SMC2: variants seen among roughly 807,000 people sequenced by gnomAD.
SMC2 encodes structural maintenance of chromosomes 2, also known as structural maintenance of chromosomes protein 2.
In SMC2, 41 loss-of-function variants were observed where a neutral mutation model predicts 142.6. The ratio of observed to expected loss-of-function variants is 0.29; its 90% CI spans 0.22 to 0.37. The LOEUF (loss-of-function observed/expected upper bound fraction) is 0.37, where lower values mean the gene tolerates loss of function less well. Among genes scored for constraint, SMC2 ranks in the 10% least tolerant of loss-of-function variants. The pLI is 1.00. For missense variants in SMC2, 1,265 were observed against 1,373.7 expected (o/e 0.92, Z 1.25); for synonymous variants, 463 against 457.5 (o/e 1.01, Z -0.15).
chr9:104,120,083 C>G lies in SMC2; in HGVS notation c.2053C>G (p.Gln685Glu), dbSNP rs748069141. ...CAAGTTTCAAGAACTCAAAGATGTT[C>G]AGGATGAACTGAGAATCAAAGAGAA... ...LTKFQELKDV[Q>E]DELRIKENEL... Residue 685 changes from glutamine (Q) to glutamate (E), a missense_variant, in exon 16 of 25, where the codon CAG becomes GAG. This residue lies in a region of SMC2 where 898 missense variants were observed against 904.2 expected (regional missense o/e 0.99). Transcript: ENST00000374793. 8 of 1,613,872 alleles carry G rather than the reference C, an allele frequency of 5.0e-6. No individual in the cohort carries two copies. Among genetic ancestry groups the G allele is most frequent in the Non-Finnish European group, 5.1e-6 (6 of 1,179,902 alleles).
chr9:104,114,658 TAAGATTAA>T (rs1832882119), intron 12 of SMC2, 25 bp from the exon 13 acceptor site: 1 of 1,577,304 alleles, frequency 6.3e-7, no homozygotes, highest in African/African-American at 1.4e-5. Flanking sequence ...CTTTATTATC[TAAGATTAA>T]TTTTTGTCAA....
In SMC2 at chr9:104,094,331, C is replaced by G. The variant is rs1488984271; in HGVS notation, c.-208C>G. ...TTCAAAGGAATAAATAGTTCCGGCG[C>G]GGGTGTTGAGAGCGGTGTGGCAGGT... On this transcript the variant is annotated 5_prime_UTR_variant, in exon 1 of 25. Transcript: ENST00000374793. 2 of 398,760 alleles carry G rather than the reference C, an allele frequency of 5.0e-6. No individual in the cohort carries two copies. The highest frequency in any genetic ancestry group is 8.8e-6 in the Non-Finnish European group (2 of 226,170). 24.7% of individuals were successfully genotyped at this position (398,760 alleles called of 1,614,324 possible).
At chr9:104,138,855 T>C (rs1293580495) in intron 24 of SMC2, among the ~76,000 whole-genome samples, 1 of 151,950 alleles carries the variant, frequency 6.6e-6, no homozygotes, top group Non-Finnish European at 1.5e-5. Flanking sequence ...AAGAAAAATA[T>C]CTCACTAGAG....
chr9:104,114,569 AT>A (rs138847410), intron 12 of SMC2, 121 bp from the exon 13 acceptor site: 18,322 of 906,652 alleles, frequency 0.02, 1,040 homozygotes, highest in African/African-American at 0.18. Context: ...TGTTAAAACC[AT>A]TTTGCTGATT....
intron 13 of SMC2, among the ~76,000 whole-genome samples, chr9:104,115,683 T>C (rs942424007): frequency 6.6e-6 from 1 of 152,166 alleles, no homozygotes; most frequent in African/African-American, 2.4e-5. Context: ...CCATTCACCT[T>C]CCATAGTTAC....
At chr9:104,124,869 T>A in intron 17 of SMC2, 43 bp from the exon 18 acceptor site, 1 of 1,474,670 alleles carries the variant, frequency 6.8e-7, no homozygotes, top group Non-Finnish European at 9.2e-7. Flanking sequence ...TGTCAACCTT[T>A]ACCATTGTTA....
intron 12 of SMC2, 58 bp downstream of exon 12, chr9:104,114,139 G>T: frequency 1.9e-6 from 2 of 1,059,872 alleles, no homozygotes; most frequent in East Asian, 2.8e-5. Context: ...TTTTATTTAA[G>T]CTGGAAGCAG....
intron 10 of SMC2, among the ~76,000 whole-genome samples, chr9:104,112,680 T>C (rs1030301160): frequency 2.2e-4 from 33 of 152,254 alleles, no homozygotes; most frequent in African/African-American, 7.9e-4. Flanking sequence ...AATACATCAT[T>C]ATACAGTTTT....
intron 15 of SMC2, among the ~76,000 whole-genome samples, chr9:104,118,953 A>G (rs1454176658): frequency 1.3e-5 from 2 of 152,186 alleles, no homozygotes; most frequent in African/African-American, 4.8e-5. Context: ...ATGATCTCTA[A>G]TATACAGTTG....
At chr9:104,097,347 C>G (rs187729162) in intron 3 of SMC2, among the ~76,000 whole-genome samples, 1 of 151,656 alleles carries the variant, frequency 6.6e-6, no homozygotes, top group East Asian at 1.9e-4. Flanking sequence ...ACCTCATGAT[C>G]TGCCCGCCTT....
chr9:104,107,170 C>T (rs1831896912), intron 9 of SMC2, among the ~76,000 whole-genome samples: 1 of 152,098 alleles, frequency 6.6e-6, no homozygotes, highest in Non-Finnish European at 1.5e-5. Context: ...TGAGCCTGCC[C>T]CAATTCATTG....
intron 23 of SMC2, 128 bp from the exon 24 acceptor site, chr9:104,137,889 CT>C (rs200382814): frequency 4.6e-5 from 24 of 521,280 alleles, no homozygotes; most frequent in Non-Finnish European, 5.8e-5. Flanking sequence ...ACTCAAGATT[CT>C]TTTTTTTATA....
intron 9 of SMC2, among the ~76,000 whole-genome samples, chr9:104,107,271 A>G (rs894181834): frequency 1.3e-5 from 2 of 152,120 alleles, no homozygotes; most frequent in Admixed American, 1.3e-4. Flanking sequence ...GGTCTCTACC[A>G]GTGCACAATA....
intron 10 of SMC2, among the ~76,000 whole-genome samples, chr9:104,112,834 T>TTTAAG (rs1211440860): frequency 6.6e-6 from 1 of 152,148 alleles, no homozygotes; most frequent in Non-Finnish European, 1.5e-5. Flanking sequence ...AGACTCAGCA[T>TTTAAG]TTAAGTTTCT....
chr9:104,099,062 T>C (rs1830816107), intron 4 of SMC2, among the ~76,000 whole-genome samples: 1 of 152,144 alleles, frequency 6.6e-6, no homozygotes, highest in Admixed American at 6.5e-5. Context: ...AATAAAAATA[T>C]TTCCACTACA....
At chr9:104,123,313 C>A in intron 17 of SMC2, 81 bp downstream of exon 17, 2 of 1,398,742 alleles carry the variant, frequency 1.4e-6, no homozygotes, top group South Asian at 1.4e-5. Context: ...TCTACCTGTG[C>A]TATGTTTAAG....
chr9:104,105,032 A>G (rs1831590767), intron 9 of SMC2, among the ~76,000 whole-genome samples: 2 of 152,236 alleles, frequency 1.3e-5, no homozygotes, highest in African/African-American at 4.8e-5. Context: ...GTGTTTATCT[A>G]GATACAGCAG....
intron 22 of SMC2, among the ~76,000 whole-genome samples, chr9:104,132,926 A>G (rs1054000188): frequency 5.3e-5 from 8 of 151,576 alleles, no homozygotes; most frequent in Admixed American, 5.3e-4. Flanking sequence ...TGCTCTTCCC[A>G]AATTTCCAAG....
intron 23 of SMC2, chr9:104,136,011 G>A (rs1835495889): frequency 6.2e-6 from 3 of 487,026 alleles, no homozygotes; most frequent in African/African-American, 5.9e-5. Flanking sequence ...AGTTTCTCCT[G>A]ACCTTACACA....
Sources: allele counts gnomAD v4.1 joint callset (sites outside exome capture counted in the v4.1 genomes callset), GRCh38; gene constraint gnomAD v4.1.1; regional missense constraint gnomAD v4.1.1; transcripts MANE v1.5; gene names NCBI Gene and HGNC (gene_info 2026-07-23, HGNC 2026-07-21).